Variants in AUH observed in about 807,000 individuals in gnomAD.
AUH encodes methylglutaconyl-CoA hydratase, mitochondrial.
A neutral mutation model predicts 42.3 loss-of-function variants in AUH; 29 were observed. The ratio of observed to expected loss-of-function variants is 0.69; its 90% CI spans 0.51 to 0.93. The LOEUF (loss-of-function observed/expected upper bound fraction) is 0.93, where lower values mean the gene tolerates loss of function less well. Among genes scored for constraint, AUH ranks in the 40% least tolerant of loss-of-function variants. AUH has a pLI of 0.00. For missense variants in AUH, 452 were observed against 438.1 expected (o/e 1.03, Z -0.28); for synonymous variants, 174 against 166.4 (o/e 1.05, Z -0.35).
chr9:91,333,708 T>G (rs1236698063), intron 3 of AUH, among the ~76,000 whole-genome samples: 2 of 152,210 alleles, frequency 1.3e-5, no homozygotes, highest in Non-Finnish European at 2.9e-5. Context: ...TGTCATTCCT[T>G]TAGCACTCTG....
At chr9:91,225,016 A>C (rs1326567529) in intron 6 of AUH, among the ~76,000 whole-genome samples, 1 of 152,226 alleles carries the variant, frequency 6.6e-6, no homozygotes, top group Non-Finnish European at 1.5e-5. Flanking sequence ...ATTTTTACAA[A>C]TATCTCCGGA....
At chr9:91,265,450 T>C (rs1335595806) in intron 6 of AUH, among the ~76,000 whole-genome samples, 1 of 152,194 alleles carries the variant, frequency 6.6e-6, no homozygotes, top group African/African-American at 2.4e-5. Flanking sequence ...CAGTTGTTTT[T>C]CTTTCACACT....
chr9:91,240,427 C>A (rs1828447997), intron 6 of AUH, among the ~76,000 whole-genome samples: 1 of 152,106 alleles, frequency 6.6e-6, no homozygotes, highest in African/African-American at 2.4e-5. Flanking sequence ...TCAAGTCAGA[C>A]CAATCAACTC....
At chr9:91,326,626 G>A (rs1829982638) in intron 3 of AUH, among the ~76,000 whole-genome samples, 1 of 152,122 alleles carries the variant, frequency 6.6e-6, no homozygotes, top group African/African-American at 2.4e-5. Context: ...AAACAATAAT[G>A]CTATTCAGGG....
chr9:91,288,600 CAT>C (rs1056971934), intron 6 of AUH, among the ~76,000 whole-genome samples: 24 of 151,966 alleles, frequency 1.6e-4, no homozygotes, highest in African/African-American at 5.6e-4. Flanking sequence ...CATATATACA[CAT>C]ATATATATTA....
chr9:91,315,269 C>T (rs1234274981), intron 4 of AUH, among the ~76,000 whole-genome samples: 1 of 152,172 alleles, frequency 6.6e-6, no homozygotes, highest in Non-Finnish European at 1.5e-5. Flanking sequence ...GCAGAGGTCC[C>T]AAGACTCCAC....
At chr9:91,309,359 T>G (rs1251006171) in intron 4 of AUH, among the ~76,000 whole-genome samples, 1 of 152,090 alleles carries the variant, frequency 6.6e-6, no homozygotes, top group African/African-American at 2.4e-5. Context: ...ACTGTTCATC[T>G]TACTTGGCCT....
chr9:91,329,028 C>T (rs1830144625), intron 3 of AUH, among the ~76,000 whole-genome samples: 1 of 152,088 alleles, frequency 6.6e-6, no homozygotes, highest in Non-Finnish European at 1.5e-5. Flanking sequence ...AATATGTGGT[C>T]TTTTTTTGTC....
intron 4 of AUH, among the ~76,000 whole-genome samples, chr9:91,315,339 C>T (rs992707161): frequency 3.3e-5 from 5 of 152,218 alleles, no homozygotes; most frequent in Admixed American, 2.0e-4. Context: ...AGGCCTGAAG[C>T]TCAAATGCGC....
At chr9:91,339,784 T>C (rs62565791) in intron 3 of AUH, among the ~76,000 whole-genome samples, 5 of 152,202 alleles carry the variant, frequency 3.3e-5, no homozygotes, top group Non-Finnish European at 7.3e-5. Context: ...GGCTCAGCTA[T>C]TGATCAACAG....
chr9:91,327,000 C>T (rs1393756915), intron 3 of AUH, among the ~76,000 whole-genome samples: 1 of 152,052 alleles, frequency 6.6e-6, no homozygotes, highest in Non-Finnish European at 1.5e-5. Context: ...ATTCTGCTGC[C>T]CAGCAATCCT....
chr9:91,255,060 A>T (rs894852851), intron 6 of AUH, among the ~76,000 whole-genome samples: 6 of 152,236 alleles, frequency 3.9e-5, no homozygotes, highest in Non-Finnish European at 8.8e-5. Context: ...GTAAGGTTAG[A>T]TTTATAAAAG....
At chr9:91,231,805 A>G (rs191909411) in intron 6 of AUH, among the ~76,000 whole-genome samples, 2 of 152,236 alleles carry the variant, frequency 1.3e-5, no homozygotes, top group Admixed American at 1.3e-4. Context: ...CTGGAGCTAT[A>G]TACTCAGGGA....
chr9:91,277,357 A>T (rs1825627150), intron 6 of AUH, among the ~76,000 whole-genome samples: 1 of 152,174 alleles, frequency 6.6e-6, no homozygotes, highest in Non-Finnish European at 1.5e-5. Flanking sequence ...AATCTATCTA[A>T]ATAATTCCAG....
chr9:91,247,743 T>C (rs930562829), intron 6 of AUH, among the ~76,000 whole-genome samples: 7 of 152,244 alleles, frequency 4.6e-5, no homozygotes, highest in African/African-American at 1.7e-4. Context: ...GTGGTTTTAA[T>C]TTGTATTTCC....
intron 6 of AUH, among the ~76,000 whole-genome samples, chr9:91,246,167 A>G (rs1828782788): frequency 6.6e-6 from 1 of 152,194 alleles, no homozygotes; most frequent in Non-Finnish European, 1.5e-5. Flanking sequence ...GGAAAAGCAA[A>G]AGAAACACCA....
chr9:91,346,661 T>G (rs1313191003), intron 3 of AUH, among the ~76,000 whole-genome samples: 2 of 152,044 alleles, frequency 1.3e-5, no homozygotes, highest in Non-Finnish European at 2.9e-5. Flanking sequence ...CAAGCGGGTA[T>G]CCAACAATTC....
intron 6 of AUH, among the ~76,000 whole-genome samples, chr9:91,266,102 C>T (rs550628398): frequency 1.3e-5 from 2 of 152,078 alleles, no homozygotes; most frequent in African/African-American, 2.4e-5. Flanking sequence ...GTGGCTCATG[C>T]GTGTAATCCC....
intron 4 of AUH, among the ~76,000 whole-genome samples, chr9:91,317,399 T>C (rs1829241212): frequency 6.6e-6 from 1 of 152,244 alleles, no homozygotes. Context: ...TCTCCAAATA[T>C]GCTACATGTA....
Sources: gnomAD v4.1 joint callset for allele counts (sites outside exome capture counted in the v4.1 genomes callset) on GRCh38, gnomAD v4.1.1 for gene constraint, MANE v1.5 for transcripts, NCBI Gene and HGNC (gene_info 2026-07-23, HGNC 2026-07-21) for gene names.